Variants in MKLN1 observed in about 807,000 individuals in gnomAD.
The protein encoded by MKLN1 is muskelin 1.
In MKLN1, 18 loss-of-function variants were observed where a neutral mutation model predicts 99.0. That is an observed-to-expected ratio of 0.18 (90% CI 0.13 to 0.27). The LOEUF is 0.27. Among genes scored for constraint, MKLN1 ranks in the 10% least tolerant of loss-of-function variants. MKLN1 has a pLI of 1.00. For synonymous variants in MKLN1, 288 were observed against 293.2 expected (o/e 0.98, Z 0.18); for missense variants, 621 against 875.9 (o/e 0.71, Z 3.67).
chr7:131,308,930 T>C (rs1798512194), intron 3 of MKLN1, among the ~76,000 whole-genome samples: 1 of 152,250 alleles, frequency 6.6e-6, no homozygotes, highest in Non-Finnish European at 1.5e-5. Flanking sequence ...ATACAGATTT[T>C]ACTCTCTGTA....
intron 2 of MKLN1, among the ~76,000 whole-genome samples, chr7:131,154,722 AT>A (rs1267796144): frequency 6.6e-6 from 1 of 152,180 alleles, no homozygotes; most frequent in Non-Finnish European, 1.5e-5. Flanking sequence ...AGCATCAATT[AT>A]TTAGCTATTC....
At chr7:131,361,557 G>A (rs1800028400) in intron 1 of MKLN1, among the ~76,000 whole-genome samples, 1 of 149,442 alleles carries the variant, frequency 6.7e-6, no homozygotes, top group Non-Finnish European at 1.5e-5. Context: ...GCCTTATTTA[G>A]CATGCATTCC....
intron 9 of MKLN1, among the ~76,000 whole-genome samples, chr7:131,429,465 A>G (rs1303682292): frequency 6.6e-6 from 1 of 152,080 alleles, no homozygotes; most frequent in Non-Finnish European, 1.5e-5. Context: ...CACTACCTCT[A>G]TTCTTATTTT....
chr7:131,341,901 C>T (rs1799417961), intron 1 of MKLN1, among the ~76,000 whole-genome samples: 2 of 152,244 alleles, frequency 1.3e-5, no homozygotes, highest in South Asian at 2.1e-4. Context: ...CACTCACCTC[C>T]TGCTGTGCAT....
intron 1 of MKLN1, among the ~76,000 whole-genome samples, chr7:131,358,006 C>T (rs1799931488): frequency 6.6e-6 from 1 of 152,174 alleles, no homozygotes. Context: ...GTCCTGTCAT[C>T]TGTGAATGAT....
chr7:131,297,847 C>T (rs1430291831), intron 3 of MKLN1, among the ~76,000 whole-genome samples: 1 of 152,152 alleles, frequency 6.6e-6, no homozygotes, highest in African/African-American at 2.4e-5. Context: ...CCAAGTTCAT[C>T]CTTGAAGCAG....
At chr7:131,362,442 G>A (rs1800057892) in intron 1 of MKLN1, among the ~76,000 whole-genome samples, 1 of 151,914 alleles carries the variant, frequency 6.6e-6, no homozygotes, top group Non-Finnish European at 1.5e-5. Context: ...GGAAGCTCAA[G>A]GAAGTTTTTA....
intron 1 of MKLN1, among the ~76,000 whole-genome samples, chr7:131,123,397 A>G (rs774832080): frequency 1.1e-4 from 16 of 152,248 alleles, no homozygotes; most frequent in South Asian, 2.1e-4. Context: ...CCATATTCCA[A>G]TAAAATGAAT....
Position 131,252,397 on chromosome 7 carries a change from C to T in MKLN1, c.-179+49423C>T, listed in dbSNP as rs562221732. 2.6e-4 allele frequency among the ~76,000 whole-genome samples: 36 copies of T among 138,314 alleles called. No individual in the cohort carries two copies. The East Asian group carries it at 5.5e-3, about 21-fold the overall frequency. The allele number at this position is 138,314 out of a possible 152,430, so 90.7% of individuals were successfully genotyped here. A position where few individuals can be genotyped will look rare whatever the true frequency, so the allele number is the denominator to read the frequency against. ...AGGCTGGAGTGCAATGGCATGATCTCGGCTCACTGCAACCTCCGCTTCCTG... is the reference window on the plus strand; with the variant it reads ...AGGCTGGAGTGCAATGGCATGATCTTGGCTCACTGCAACCTCCGCTTCCTG... On this transcript the variant is annotated intron_variant, in intron 3 of 7. Coordinates refer to the MKLN1 transcript ENST00000416992.
At chr7:131,339,186 A>G (rs1017974399) in intron 1 of MKLN1, among the ~76,000 whole-genome samples, 12 of 152,220 alleles carry the variant, frequency 7.9e-5, no homozygotes, top group African/African-American at 2.9e-4. Flanking sequence ...GGCTTTTTCA[A>G]CTGCATGGGA....
At position 131,488,899 on chromosome 7, in the gene MKLN1, A is replaced by G. The variant is rs938353842; in HGVS notation, c.*1171A>G. The G allele has an allele frequency of 6.6e-6, 1 of 152,108 alleles. No homozygotes were observed. The highest frequency in any genetic ancestry group is 1.5e-5 in the Non-Finnish European group (1 of 68,014). The allele number at this position is 152,108 out of a possible 1,614,324, so 9.4% of individuals were successfully genotyped here. ...GGCAGATGGACTTTTCCATGGGTCA[A>G]ATTTTTTGTGTGAGAGATAGAGGTA... is the stretch of plus-strand genomic sequence containing the variant. On this transcript the variant is annotated 3_prime_UTR_variant, in exon 18 of 18. Coordinates refer to ENST00000352689, the MANE Select transcript of MKLN1 (RefSeq NM_013255.5).
intron 9 of MKLN1, among the ~76,000 whole-genome samples, chr7:131,436,122 C>CA (rs1428206990): frequency 3.9e-5 from 6 of 152,000 alleles, no homozygotes; most frequent in Non-Finnish European, 8.8e-5. Flanking sequence ...TATTCTTTGA[C>CA]AAAAAATATT....
At chr7:131,486,440 TAAAA>T (rs985623232) in intron 17 of MKLN1, among the ~76,000 whole-genome samples, 3 of 152,034 alleles carry the variant, frequency 2.0e-5, no homozygotes, top group African/African-American at 7.2e-5. Flanking sequence ...TTTTAAAAAA[TAAAA>T]AGGAATGTGC....
intron 2 of MKLN1, among the ~76,000 whole-genome samples, chr7:131,381,406 C>T (rs1793842100): frequency 6.6e-6 from 1 of 152,158 alleles, no homozygotes; most frequent in Admixed American, 6.5e-5. Context: ...TTCATTCATG[C>T]TACATTTACT....
chr7:131,223,367 T>C (rs547779677), intron 3 of MKLN1, among the ~76,000 whole-genome samples: 3 of 152,296 alleles, frequency 2.0e-5, no homozygotes, highest in Admixed American at 1.3e-4. Context: ...ACATCACAGG[T>C]ACTCTGCTAA....
intron 3 of MKLN1, among the ~76,000 whole-genome samples, chr7:131,312,835 G>A (rs1798590910): frequency 6.6e-6 from 1 of 152,168 alleles, no homozygotes; most frequent in East Asian, 1.9e-4. Context: ...TGTACCGTAT[G>A]CAGAGCTCAG....
chr7:131,235,769 G>C (rs1167922828), intron 3 of MKLN1, among the ~76,000 whole-genome samples: 1 of 152,188 alleles, frequency 6.6e-6, no homozygotes, highest in African/African-American at 2.4e-5. Context: ...CAATGGGATT[G>C]TTTTAACCAT....
chr7:131,437,731 A>AT (rs543918028), intron 9 of MKLN1, 54 bp from the exon 10 acceptor site: 909 of 1,316,136 alleles, frequency 6.9e-4, no homozygotes, highest in Middle Eastern at 1.3e-3. Flanking sequence ...TTGTTCTTTG[A>AT]TTTTTTTTTG....
At position 131,486,360 on chromosome 7, in the gene MKLN1, C is replaced by T. The variant is rs575091343; in HGVS notation, c.2087-1247C>T. 2.0e-4 allele frequency among the ~76,000 whole-genome samples: 31 copies of T among 152,020 alleles called. No individual in the cohort carries two copies. The South Asian group carries it at 5.2e-3, about 26-fold the overall frequency. On this transcript the variant is annotated intron_variant, in intron 17 of 17. Transcript: ENST00000352689. The stretch of plus-strand genomic sequence containing the variant: ...TTTCTTTCCATTCATTTCCATGATC[C>T]GATAGTGGGCTTTGTTAAACTCAAG...
Sources: allele counts gnomAD v4.1 joint callset (sites outside exome capture counted in the v4.1 genomes callset), GRCh38; gene constraint gnomAD v4.1.1; transcripts MANE v1.5; gene names NCBI Gene and HGNC (gene_info 2026-07-23, HGNC 2026-07-21).